SLC9A9: variants seen among roughly 807,000 people sequenced by gnomAD.
SLC9A9 encodes the protein solute carrier family 9 member A9.
In SLC9A9, 62 loss-of-function variants were observed where a neutral mutation model predicts 77.8. That is an observed-to-expected ratio of 0.80 (90% CI 0.65 to 0.98). SLC9A9 has a LOEUF of 0.98. SLC9A9 is among the 50% of genes least tolerant of loss of function. The pLI is 0.00. For synonymous variants in SLC9A9, 320 were observed against 283.5 expected (o/e 1.13, Z -1.29); for missense variants, 775 against 774.9 (o/e 1.00, Z 0.00).
rs1403669330 is a variant in SLC9A9, at chr3:143,588,835, T to C, written c.756-10112A>G. ...TTGAATCCCACTACTGTGGGCCTAT[T>C]CATTTAAGAAAGAGAGAATAATTCT... is the stretch of plus-strand genomic sequence containing the variant. On this transcript the variant is annotated intron_variant, in intron 6 of 15. Coordinates refer to ENST00000316549, the MANE Select transcript of SLC9A9 (RefSeq NM_173653.4). 2.0e-5 allele frequency among the ~76,000 whole-genome samples: 3 copies of C among 152,222 alleles called. No individual in the cohort carries two copies. In the East Asian group the frequency reaches 5.8e-4, roughly 29 times the overall value.
At chr3:143,352,183 C>T (rs192048532) in intron 14 of SLC9A9, among the ~76,000 whole-genome samples, 6 of 152,284 alleles carry the variant, frequency 3.9e-5, no homozygotes, top group East Asian at 3.9e-4. Flanking sequence ...GTAGAAGGAA[C>T]GGCAAAGGGC....
At chr3:143,447,333 A>C (rs939810703) in intron 12 of SLC9A9, among the ~76,000 whole-genome samples, 85 of 152,222 alleles carry the variant, frequency 5.6e-4, no homozygotes, top group African/African-American at 2.0e-3. Flanking sequence ...AAGCAAAAGT[A>C]TTAAGTAAAA....
intron 14 of SLC9A9, among the ~76,000 whole-genome samples, chr3:143,313,916 A>G (rs929238983): frequency 2.0e-5 from 3 of 152,178 alleles, no homozygotes; most frequent in Non-Finnish European, 2.9e-5. Context: ...ATTTCTAGGA[A>G]GTGATCAGGC....
intron 4 of SLC9A9, among the ~76,000 whole-genome samples, chr3:143,769,264 T>C (rs1404360209): frequency 1.3e-5 from 2 of 152,196 alleles, no homozygotes; most frequent in Admixed American, 1.3e-4. Flanking sequence ...TAACCCTCAT[T>C]ACAATCTAAA....
chr3:143,820,035 C>G (rs74895361), intron 2 of SLC9A9, among the ~76,000 whole-genome samples: 4,662 of 152,282 alleles, frequency 0.031, 219 homozygotes, highest in African/African-American at 0.1. Context: ...GCAAGTAACA[C>G]TTAATATACT....
chr3:143,820,822 A>T (rs1275585418), intron 2 of SLC9A9, among the ~76,000 whole-genome samples: 1 of 151,460 alleles, frequency 6.6e-6, no homozygotes, highest in Non-Finnish European at 1.5e-5. Context: ...AATATTGGCT[A>T]TTTTTTTTAT....
chr3:143,291,857 A>G (rs770888949), intron 14 of SLC9A9, among the ~76,000 whole-genome samples: 27 of 152,132 alleles, frequency 1.8e-4, no homozygotes, highest in Non-Finnish European at 3.7e-4. Flanking sequence ...TCTGTTTTAA[A>G]AAGAGGAGCA....
chr3:143,626,274 C>T (rs2038324977), intron 6 of SLC9A9, among the ~76,000 whole-genome samples: 1 of 152,086 alleles, frequency 6.6e-6, no homozygotes, highest in Admixed American at 6.6e-5. Flanking sequence ...GGGTATACAC[C>T]CAAAGGATTA....
At chr3:143,839,310 C>A (rs1174208108) in intron 1 of SLC9A9, among the ~76,000 whole-genome samples, 1 of 152,142 alleles carries the variant, frequency 6.6e-6, no homozygotes, top group South Asian at 2.1e-4. Context: ...TTAAGAGAAC[C>A]TCATTAAATT....
At chr3:143,655,220 T>C (rs2038867523) in intron 5 of SLC9A9, among the ~76,000 whole-genome samples, 1 of 152,210 alleles carries the variant, frequency 6.6e-6, no homozygotes, top group Non-Finnish European at 1.5e-5. Context: ...TTACACGCAA[T>C]GTCCAAGACT....
chr3:143,798,367 A>C (rs960408892), intron 2 of SLC9A9, among the ~76,000 whole-genome samples: 12 of 152,202 alleles, frequency 7.9e-5, no homozygotes, highest in African/African-American at 2.4e-4. Flanking sequence ...CACCACAGGG[A>C]CACCTGCCTT....
At chr3:143,515,513 C>T (rs989320799) in intron 9 of SLC9A9, among the ~76,000 whole-genome samples, 1 of 152,180 alleles carries the variant, frequency 6.6e-6, no homozygotes. Flanking sequence ...GGCTCACCAG[C>T]ATATACGATG....
At chr3:143,474,959 GT>G (rs58029971) in intron 11 of SLC9A9, among the ~76,000 whole-genome samples, 117,222 of 127,178 alleles carry the variant, frequency 0.92, 54,017 homozygotes, top group East Asian at 0.99. Context: ...CTTCACCCAG[GT>G]TTTTTTTTTT....
rs1560082964 is a variant in SLC9A9, at chr3:143,795,116, AT to A, written c.457-40del. On this transcript the variant is annotated intron_variant, in intron 3 of 15. Coordinates refer to ENST00000316549, the MANE Select transcript of SLC9A9 (RefSeq NM_173653.4). ...AAGATATTTAATAGAGTACATCAGAATTTTTTCTTAGTGCAAAAGAAAATAA... is the reference window on the plus strand; with the variant it reads ...AAGATATTTAATAGAGTACATCAGAATTTTTCTTAGTGCAAAAGAAAATAA... The A allele has an allele frequency of 3.2e-6, 5 of 1,562,734 alleles. No individual in the cohort carries two copies. In the East Asian group the frequency reaches 6.7e-5, roughly 21 times the overall value.
chr3:143,570,772 A>T (rs1414980258), intron 8 of SLC9A9, among the ~76,000 whole-genome samples: 3 of 152,118 alleles, frequency 2.0e-5, no homozygotes, highest in Admixed American at 1.3e-4. Flanking sequence ...AGGTAGGCAT[A>T]TTTAAGTGTA....
chr3:143,375,939 C>G (rs2033172544), intron 13 of SLC9A9, among the ~76,000 whole-genome samples: 1 of 152,158 alleles, frequency 6.6e-6, no homozygotes, highest in Admixed American at 6.5e-5. Context: ...CTTGTCTTGT[C>G]TAGTATGGTC....
intron 2 of SLC9A9, among the ~76,000 whole-genome samples, chr3:143,822,840 T>C (rs1392454333): frequency 6.6e-6 from 1 of 152,218 alleles, no homozygotes; most frequent in Non-Finnish European, 1.5e-5. Context: ...TTTTCTGTTC[T>C]TTGCTCAGGC....
intron 4 of SLC9A9, among the ~76,000 whole-genome samples, chr3:143,718,058 G>T (rs1372477301): frequency 6.7e-6 from 1 of 150,344 alleles, no homozygotes; most frequent in Admixed American, 6.6e-5. Flanking sequence ...AGCCACACAA[G>T]TTAAAATCAA....
At chr3:143,477,656 T>A (rs1361661128) in intron 11 of SLC9A9, among the ~76,000 whole-genome samples, 9 of 152,272 alleles carry the variant, frequency 5.9e-5, no homozygotes, top group Non-Finnish European at 1.5e-5. Context: ...CAATGGCTAC[T>A]GTGATTAAAC....
Sources: gnomAD v4.1 joint callset for allele counts (sites outside exome capture counted in the v4.1 genomes callset) on GRCh38, gnomAD v4.1.1 for gene constraint, MANE v1.5 for transcripts, NCBI Gene and HGNC (gene_info 2026-07-23, HGNC 2026-07-21) for gene names.